The following GUCY1A2 variants were observed in gnomAD, a reference collection of about 807,000 sequenced individuals.
GUCY1A2 encodes the protein guanylate cyclase soluble subunit alpha-2.
GUCY1A2 carries 27 observed loss-of-function variants against 63.5 expected under a neutral mutation model. The observed-to-expected ratio is 0.43, with a 90% CI of 0.31 to 0.59. The LOEUF is 0.59. Among genes scored for constraint, GUCY1A2 ranks in the 20% least tolerant of loss-of-function variants. The pLI is 0.11. For missense variants in GUCY1A2, 768 were observed against 913.3 expected (o/e 0.84, Z 2.05); for synonymous variants, 364 against 343.5 (o/e 1.06, Z -0.66).
chr11:106,728,919 A>G (rs1270562947), intron 6 of GUCY1A2, among the ~76,000 whole-genome samples: 1 of 152,126 alleles, frequency 6.6e-6, no homozygotes, highest in Non-Finnish European at 1.5e-5. Context: ...CAGTGTGACA[A>G]TGTCTTCATA....
chr11:106,719,802 T>C (rs34215749), intron 6 of GUCY1A2, among the ~76,000 whole-genome samples: 27,961 of 152,154 alleles, frequency 0.18, 2,737 homozygotes, highest in Middle Eastern at 0.25. Context: ...GTTTCTAATA[T>C]GCATCCAAGG....
chr11:106,978,274 G>A (rs1351274055), intron 3 of GUCY1A2, among the ~76,000 whole-genome samples: 1 of 152,096 alleles, frequency 6.6e-6, no homozygotes, highest in Non-Finnish European at 1.5e-5. Flanking sequence ...AAGTAATAGA[G>A]TATGACTGAG....
chr11:106,874,212 C>T (rs1859718574), intron 4 of GUCY1A2, among the ~76,000 whole-genome samples: 1 of 152,116 alleles, frequency 6.6e-6, no homozygotes, highest in South Asian at 2.1e-4. Context: ...CACTCTCCCA[C>T]ACAGCTGGAT....
At chr11:106,928,819 G>A (rs532312191) in intron 4 of GUCY1A2, among the ~76,000 whole-genome samples, 7 of 152,216 alleles carry the variant, frequency 4.6e-5, no homozygotes, top group East Asian at 1.9e-4. Context: ...GATAAAATAC[G>A]GCTTTACAAT....
At chr11:106,897,003 A>C (rs545228252) in intron 4 of GUCY1A2, among the ~76,000 whole-genome samples, 1 of 152,164 alleles carries the variant, frequency 6.6e-6, no homozygotes, top group Non-Finnish European at 1.5e-5. Context: ...TTATAGCAAA[A>C]TTTCAGTGTA....
chr11:106,861,287 T>C (rs998093531), intron 4 of GUCY1A2, among the ~76,000 whole-genome samples: 1 of 135,736 alleles, frequency 7.4e-6, no homozygotes, highest in Non-Finnish European at 1.7e-5. Context: ...TTTCATTTTC[T>C]TATTCTTTGC....
chr11:106,799,433 A>T (rs898125338), intron 5 of GUCY1A2, among the ~76,000 whole-genome samples: 1 of 152,018 alleles, frequency 6.6e-6, no homozygotes, highest in African/African-American at 2.4e-5. Flanking sequence ...GAGCCCTCAT[A>T]GCCAAGACAA....
At chr11:106,937,283 T>C (rs1214104360) in intron 4 of GUCY1A2, among the ~76,000 whole-genome samples, 1 of 152,184 alleles carries the variant, frequency 6.6e-6, no homozygotes, top group Non-Finnish European at 1.5e-5. Context: ...GCACAGTTCC[T>C]TATTATTGGA....
At chr11:106,770,953 A>G (rs1421366086) in intron 6 of GUCY1A2, among the ~76,000 whole-genome samples, 2 of 151,656 alleles carry the variant, frequency 1.3e-5, no homozygotes, top group Non-Finnish European at 2.9e-5. Context: ...TCTAGTTCAC[A>G]ATGTTTCCTG....
intron 4 of GUCY1A2, among the ~76,000 whole-genome samples, chr11:106,910,585 G>A (rs928295447): frequency 3.3e-5 from 5 of 152,000 alleles, no homozygotes; most frequent in African/African-American, 1.2e-4. Flanking sequence ...TCTAGGCACA[G>A]GCCTATATTC....
chr11:106,849,721 G>T (rs1056462387), intron 4 of GUCY1A2, among the ~76,000 whole-genome samples: 1 of 151,366 alleles, frequency 6.6e-6, no homozygotes, highest in Admixed American at 6.6e-5. Flanking sequence ...AATATCTGAT[G>T]GAAAACCACC....
chr11:106,779,276 G>A (rs946230629), intron 5 of GUCY1A2, among the ~76,000 whole-genome samples: 1 of 152,018 alleles, frequency 6.6e-6, no homozygotes. Flanking sequence ...AATATGAGTT[G>A]GCAAAAGTTT....
intron 4 of GUCY1A2, chr11:106,936,801 T>C (rs1860684459): frequency 1.5e-6 from 1 of 662,432 alleles, no homozygotes; most frequent in Non-Finnish European, 2.6e-6. Flanking sequence ...CCCTCAATGT[T>C]AGAAGAAGGA....
intron 7 of GUCY1A2, among the ~76,000 whole-genome samples, chr11:106,694,600 G>A (rs1417014326): frequency 6.6e-6 from 1 of 152,212 alleles, no homozygotes; most frequent in Non-Finnish European, 1.5e-5. Flanking sequence ...AGCTTCCTAA[G>A]TGTCAAGAAA....
At chr11:106,801,988 TTC>T (rs778368861) in intron 5 of GUCY1A2, among the ~76,000 whole-genome samples, 18 of 152,322 alleles carry the variant, frequency 1.2e-4, no homozygotes, top group South Asian at 1.0e-3. Flanking sequence ...TAAATGTGAA[TTC>T]TGTTAGTTTC....
At chr11:106,950,322 A>G (rs1860888781) in intron 3 of GUCY1A2, among the ~76,000 whole-genome samples, 2 of 152,190 alleles carry the variant, frequency 1.3e-5, no homozygotes, top group Non-Finnish European at 2.9e-5. Context: ...GCCAGAGAAG[A>G]CACAAAGCCA....
At chr11:106,873,871 CTG>C (rs1859714182) in intron 4 of GUCY1A2, among the ~76,000 whole-genome samples, 1 of 152,088 alleles carries the variant, frequency 6.6e-6, no homozygotes, top group Non-Finnish European at 1.5e-5. Flanking sequence ...TCATGTCAAT[CTG>C]TTAATAATTA....
chr11:106,873,860 C>T (rs970068632), intron 4 of GUCY1A2, among the ~76,000 whole-genome samples: 2 of 152,104 alleles, frequency 1.3e-5, no homozygotes, highest in African/African-American at 4.8e-5. Flanking sequence ...CTAGTTTCAT[C>T]TCATGTCAAT....
At chr11:106,751,954 G>C (rs1022003168) in intron 6 of GUCY1A2, among the ~76,000 whole-genome samples, 3 of 152,142 alleles carry the variant, frequency 2.0e-5, no homozygotes, top group Middle Eastern at 3.2e-3. Context: ...CTTGCACTAT[G>C]ATATACAAAG....
Sources: allele counts gnomAD v4.1 joint callset (sites outside exome capture counted in the v4.1 genomes callset), GRCh38; gene constraint gnomAD v4.1.1; transcripts MANE v1.5; gene names NCBI Gene and HGNC (gene_info 2026-07-23, HGNC 2026-07-21).